Variants in PDGFA observed in about 807,000 individuals in gnomAD.
The protein encoded by PDGFA is platelet derived growth factor subunit A, also known as platelet-derived growth factor subunit A.
Under a neutral mutation model 25.6 loss-of-function variants are expected in PDGFA, and 9 were observed. The ratio of observed to expected loss-of-function variants is 0.35; its 90% CI spans 0.21 to 0.61. The LOEUF (loss-of-function observed/expected upper bound fraction) is 0.61. Among genes scored for constraint, PDGFA ranks in the 20% least tolerant of loss-of-function variants. The probability of loss-of-function intolerance (pLI) is 0.75; values close to 1 mark genes in which losing one functional copy is unlikely to be tolerated. For missense variants in PDGFA, 242 were observed against 272.8 expected, an observed-to-expected ratio of 0.89 and a Z score of 0.79; for synonymous variants, 133 against 111.8, an observed-to-expected ratio of 1.19 and a Z score of -1.20.
chr7:498,520 A>T (rs1230742572), exon 6 of PDGFA: 1 of 1,590,112 alleles, frequency 6.3e-7, no homozygotes, highest in Admixed American at 1.7e-5. Context: ...GGAATGTAAC[A>T]CGCCATGTAC....
At chr7:498,521 C>T (rs751399588) in exon 6 of PDGFA, 34 of 1,590,510 alleles carry the variant, frequency 2.1e-5, no homozygotes, top group East Asian at 1.1e-4. Flanking sequence ...GAATGTAACA[C>T]GCCATGTACA....
At chr7:516,765 G>T (rs774117271) in intron 2 of PDGFA, among the ~76,000 whole-genome samples, 2 of 152,244 alleles carry the variant, frequency 1.3e-5, no homozygotes, top group African/African-American at 4.8e-5. Flanking sequence ...TTCTCTAGTG[G>T]CCCGGCCCCA....
chr7:517,281 G>T lies in PDGFA; in HGVS notation c.160+113C>A. ...CCCGGGCGCTTATGGCTGGGGATTG[G>T]ATTCTGACCTTTCGGTGCGCTCCTG... On this transcript the variant is annotated intron_variant, in intron 2 of 5. Coordinates refer to ENST00000402802, the Ensembl canonical transcript of PDGFA. The surrounding 1 kb of genome is among the most constrained non-coding windows in gnomAD (Gnocchi z 7.4). The T allele has an allele frequency of 2.9e-6, 1 of 340,808 alleles. No individual in the cohort carries two copies. Among genetic ancestry groups the T allele is most frequent in the Non-Finnish European group, 5.1e-6 (1 of 197,296 alleles). The allele number at this position is 340,808 out of a possible 1,614,324, so 21.1% of individuals were successfully genotyped here.
At chr7:507,961 T>C (rs1226920710) in intron 4 of PDGFA, among the ~76,000 whole-genome samples, 2 of 152,046 alleles carry the variant, frequency 1.3e-5, no homozygotes, top group Admixed American at 6.5e-5. Context: ...TGGAAAAATC[T>C]TGGGGCTTCA....
chr7:512,527 T>C, intron 2 of PDGFA, 72 bp from the exon 3 acceptor site: 1 of 1,607,524 alleles, frequency 6.2e-7, no homozygotes, highest in Non-Finnish European at 8.5e-7. Context: ...CCAGCCGCAC[T>C]TCCCACAGAC....
At chr7:512,316 G>A (rs775058789) in intron 3 of PDGFA, 35 bp downstream of exon 3, 9 of 1,578,586 alleles carry the variant, frequency 5.7e-6, no homozygotes, top group Non-Finnish European at 7.8e-6. Flanking sequence ...CCCTGACCCG[G>A]CCCTGCCCTG....
At position 499,873 on chromosome 7, in the gene PDGFA, C is replaced by G. The variant is rs182385107; in HGVS notation, c.580+1243G>C. On this transcript the variant is annotated intron_variant, in intron 5 of 5. Coordinates refer to ENST00000402802, the Ensembl canonical transcript of PDGFA. ...TGATGATACCTCAAGACTACCCTCC[C>G]TGCTCTGCAATCCCACCCTTAGATG... 5.5e-3 allele frequency among the ~76,000 whole-genome samples: 836 copies of G among 152,220 alleles called. 7 individuals are homozygous for G. The highest frequency in any genetic ancestry group is 0.019 in the African/African-American group (786 of 41,532).
intron 4 of PDGFA, among the ~76,000 whole-genome samples, chr7:510,208 C>T (rs555306857): frequency 2.6e-5 from 4 of 152,258 alleles, no homozygotes; most frequent in South Asian, 2.1e-4. Context: ...CCAGGCTCGT[C>T]GCCAGAGCAG....
At chr7:509,983 G>T (rs564501210) in intron 4 of PDGFA, among the ~76,000 whole-genome samples, 1 of 151,358 alleles carries the variant, frequency 6.6e-6, no homozygotes, top group Non-Finnish European at 1.5e-5. Flanking sequence ...GGGGGAAGCC[G>T]GGGGGGCCCT....
At chr7:497,579 GGAACAA>G (rs1782099368) in exon 6 of PDGFA, 1 of 152,174 alleles carries the variant, frequency 6.6e-6, no homozygotes, top group African/African-American at 2.4e-5. Context: ...TGCACTGCGG[GGAACAA>G]GTTGTCACTC....
chr7:504,440 C>A (rs1245209285), intron 4 of PDGFA, among the ~76,000 whole-genome samples: 1 of 152,116 alleles, frequency 6.6e-6, no homozygotes, highest in Non-Finnish European at 1.5e-5. Context: ...AACTAGGGAT[C>A]CCAGTGCGCA....
intron 4 of PDGFA, among the ~76,000 whole-genome samples, chr7:506,142 C>T (rs1448810549): frequency 1.4e-5 from 2 of 139,902 alleles, no homozygotes; most frequent in African/African-American, 5.2e-5. Flanking sequence ...GGCCACTGCA[C>T]TCCAGCCTGG....
intron 4 of PDGFA, among the ~76,000 whole-genome samples, chr7:503,272 C>T (rs1015985599): frequency 1.3e-5 from 2 of 152,128 alleles, no homozygotes; most frequent in African/African-American, 4.8e-5. Context: ...ACCCAGCAGG[C>T]GCTCCATCTG....
exon 6 of PDGFA, chr7:497,980 AAAAAC>A (rs1782164128): frequency 7.4e-6 from 1 of 135,986 alleles, no homozygotes. Context: ...AAAACAAAAC[AAAAAC>A]AAAAAAAAAA....
chr7:500,408 G>T lies in PDGFA; in HGVS notation c.580+708C>A, dbSNP rs747716629. The T allele has an allele frequency of 1.2e-6, 2 of 1,610,758 alleles. No individual in the cohort carries two copies. Among genetic ancestry groups the T allele is most frequent in the South Asian group, 2.2e-5 (2 of 91,006 alleles). ...GCACCTCCCCGCCCTGCAGGACTCA[G>T]TGTGTCCGGCAGACAGTCCTACCTG... On this transcript the variant is annotated intron_variant, in intron 5 of 5. Coordinates refer to ENST00000402802, the Ensembl canonical transcript of PDGFA. This position sits in a 1 kb window ranked among gnomAD's most constrained non-coding sequence, Gnocchi z 5.0.
chr7:517,977 G>A lies in PDGFA; in HGVS notation c.64-487C>T, dbSNP rs989023958. 6.6e-6 allele frequency among the ~76,000 whole-genome samples: 1 copy of A among 152,084 alleles called. No homozygotes were observed. The highest frequency in any genetic ancestry group is 2.4e-5 in the African/African-American group (1 of 41,416). On this transcript the variant is annotated intron_variant, in intron 1 of 5. Transcript: ENST00000402802. This position sits in a 1 kb window ranked among gnomAD's most constrained non-coding sequence, Gnocchi z 7.4. ...GAATCCCGGGCCGAACCCGTGGAGA[G>A]GTCTCTCCGTCTCACAAACACACGC...
In PDGFA at chr7:510,699, C is replaced by T. The variant is rs1214777769; in HGVS notation, c.453+110G>A. 3.0e-4 allele frequency: 150 copies of T among 493,414 alleles called. 1 individual carries two copies. In the African/African-American group the frequency reaches 4.6e-3, roughly 15 times the overall value. The allele number at this position is 493,414 out of a possible 1,614,324, so 30.6% of individuals were successfully genotyped here. On this transcript the variant is annotated intron_variant, in intron 4 of 5. Transcript: ENST00000402802. ...GCTGCTTGGTAGGGGCGGCCCCGGG[C>T]TTGGGTGGGGAGGGGAGGGGAGGGG...
At chr7:501,032 C>T in intron 5 of PDGFA, 84 bp downstream of exon 5, 1 of 1,611,846 alleles carries the variant, frequency 6.2e-7, no homozygotes. Context: ...AAGCGTTGCG[C>T]TCAAGGGGGC....
chr7:520,126 C>G (rs1265932348), upstream of PDGFA: 4 of 376,442 alleles, frequency 1.1e-5, no homozygotes, highest in Non-Finnish European at 2.1e-5. Flanking sequence ...CCTCCAGTGC[C>G]AGCTGCAATC....
Sources: gnomAD v4.1 joint callset for allele counts (sites outside exome capture counted in the v4.1 genomes callset) on GRCh38, gnomAD v4.1.1 for gene constraint, Gnocchi (gnomAD v3.1) non-coding constraint, MANE v1.5 for transcripts, NCBI Gene and HGNC (gene_info 2026-07-23, HGNC 2026-07-21) for gene names.